PDZRN3: variants seen among roughly 807,000 people sequenced by gnomAD.
The protein encoded by PDZRN3 is PDZ domain containing ring finger 3.
PDZRN3 carries 38 observed loss-of-function variants against 85.7 expected under a neutral mutation model. That is an observed-to-expected ratio of 0.44 (90% CI 0.34 to 0.58). The LOEUF (loss-of-function observed/expected upper bound fraction) is 0.58. Among genes scored for constraint, PDZRN3 ranks in the 20% least tolerant of loss-of-function variants. PDZRN3 has a pLI of 0.01. For synonymous variants in PDZRN3, 759 were observed against 638.0 expected (o/e 1.19, Z -2.86); for missense variants, 1,629 against 1,506.4 (o/e 1.08, Z -1.35).
intron 3 of PDZRN3, among the ~76,000 whole-genome samples, chr3:73,577,866 C>A (rs1702147490): frequency 6.6e-6 from 1 of 152,344 alleles, no homozygotes; most frequent in Admixed American, 6.5e-5. Flanking sequence ...CCAGATCTAG[C>A]CCAAAGCCTC....
At chr3:73,443,479 C>CTTTTTTTTTT (rs768320565) in intron 3 of PDZRN3, among the ~76,000 whole-genome samples, 13 of 48,144 alleles carry the variant, frequency 2.7e-4, no homozygotes, top group African/African-American at 5.7e-4. Context: ...TTTCCTTTTT[C>CTTTTTTTTTT]TTTTTTTTTT....
At chr3:73,440,646 G>A (rs1292314421) in intron 3 of PDZRN3, among the ~76,000 whole-genome samples, 1 of 152,190 alleles carries the variant, frequency 6.6e-6, no homozygotes, top group Non-Finnish European at 1.5e-5. Context: ...TCCCGAGCAA[G>A]TCATCTTTGT....
In PDZRN3 at chr3:73,595,845, A is replaced by T. The variant is rs182482998; in HGVS notation, c.918+6509T>A. 2.0e-5 allele frequency among the ~76,000 whole-genome samples: 3 copies of T among 152,312 alleles called. No individual in the cohort carries two copies. In the East Asian group the frequency reaches 5.8e-4, roughly 29 times the overall value. On this transcript the variant is annotated intron_variant, in intron 3 of 9. Transcript: ENST00000263666. ...TGGATGAATGCAGAAAGACAGATGT[A>T]TATGTTATTATCGTGGTACATGTGT...
intron 3 of PDZRN3, among the ~76,000 whole-genome samples, chr3:73,417,843 G>A (rs958370607): frequency 6.6e-6 from 1 of 152,124 alleles, no homozygotes; most frequent in Non-Finnish European, 1.5e-5. Context: ...TATCTCCATT[G>A]AAATGTGCAA....
intron 3 of PDZRN3, among the ~76,000 whole-genome samples, chr3:73,415,716 G>A (rs1401687136): frequency 6.6e-6 from 1 of 152,068 alleles, no homozygotes; most frequent in African/African-American, 2.4e-5. Flanking sequence ...ACATATTTAA[G>A]GGAGGCTAGG....
At chr3:73,595,708 C>T (rs1183787408) in intron 3 of PDZRN3, among the ~76,000 whole-genome samples, 6 of 152,044 alleles carry the variant, frequency 3.9e-5, no homozygotes, top group East Asian at 1.9e-4. Flanking sequence ...GAAAAAAGCA[C>T]GTGGATCAGT....
At chr3:73,559,275 A>T (rs561630414) in intron 3 of PDZRN3, among the ~76,000 whole-genome samples, 6 of 152,210 alleles carry the variant, frequency 3.9e-5, no homozygotes, top group Non-Finnish European at 7.3e-5. Context: ...TTTTAAACAC[A>T]GTTTCACAGT....
chr3:73,566,367 T>A (rs1247061021), intron 3 of PDZRN3, among the ~76,000 whole-genome samples: 4 of 152,196 alleles, frequency 2.6e-5, no homozygotes, highest in Non-Finnish European at 5.9e-5. Flanking sequence ...ATTCAACTCA[T>A]AAGAGAAAAT....
Position 73,444,064 on chromosome 3 carries a change from T to C in PDZRN3, c.919-39669A>G, listed in dbSNP as rs551857123. Among the ~76,000 whole-genome samples, 41 of 152,296 alleles carry C rather than the reference T, an allele frequency of 2.7e-4. 1 individual carries two copies. The highest frequency in any genetic ancestry group is 2.2e-3 in the Admixed American group (34 of 15,308). On this transcript the variant is annotated intron_variant, in intron 3 of 9. Transcript: ENST00000263666. ...TTTCCCACATCTGTCTCATCAGCCTTTCCTATCTGTCTCCTGCTATCCTGC... is the reference window on the plus strand; with the variant it reads ...TTTCCCACATCTGTCTCATCAGCCTCTCCTATCTGTCTCCTGCTATCCTGC...
intron 3 of PDZRN3, among the ~76,000 whole-genome samples, chr3:73,600,961 C>T (rs1413312628): frequency 6.6e-6 from 1 of 152,120 alleles, no homozygotes; most frequent in African/African-American, 2.4e-5. Context: ...GTTTAAGAAC[C>T]CTTCAAACAT....
rs112895986 is a variant in PDZRN3 at position 73,532,176 on chromosome 3, A to AT, written c.918+70177dup. ...CCACCACGCCCATCTGATTTTCTGT[A>AT]TTTTTTTTTTAGTAGAGACGGGGTT... On this transcript the variant is annotated intron_variant, in intron 3 of 9. Coordinates refer to ENST00000263666, the MANE Select transcript of PDZRN3 (RefSeq NM_015009.3). 5.7e-3 allele frequency among the ~76,000 whole-genome samples: 840 copies of AT among 147,766 alleles called. 11 individuals are homozygous for AT. The highest frequency in any genetic ancestry group is 0.018 in the African/African-American group (728 of 40,414).
chr3:73,396,764 G>A (rs929440850), intron 5 of PDZRN3, among the ~76,000 whole-genome samples: 1 of 152,050 alleles, frequency 6.6e-6, no homozygotes, highest in Non-Finnish European at 1.5e-5. Flanking sequence ...GAATCGCCTG[G>A]GAAATTAAAA....
chr3:73,426,778 C>T (rs112657104), intron 3 of PDZRN3, among the ~76,000 whole-genome samples: 1,557 of 152,240 alleles, frequency 0.01, 23 homozygotes, highest in South Asian at 0.053. Context: ...GTTTCTGATT[C>T]AGTAGCTCTG....
At chr3:73,478,027 T>C (rs1393418421) in intron 3 of PDZRN3, among the ~76,000 whole-genome samples, 3 of 152,150 alleles carry the variant, frequency 2.0e-5, no homozygotes, top group South Asian at 4.1e-4. Context: ...ACGGGAATTA[T>C]GGGAATTACA....
At chr3:73,457,410 G>A (rs1703007559) in intron 3 of PDZRN3, among the ~76,000 whole-genome samples, 1 of 152,078 alleles carries the variant, frequency 6.6e-6, no homozygotes, top group African/African-American at 2.4e-5. Flanking sequence ...TCAAGGCTCT[G>A]GAGTAGAGAA....
At chr3:73,478,110 T>G (rs1703494518) in intron 3 of PDZRN3, among the ~76,000 whole-genome samples, 3 of 152,082 alleles carry the variant, frequency 2.0e-5, no homozygotes, top group Admixed American at 2.0e-4. Context: ...CAAAGAAGGG[T>G]GAATTTGCAT....
intron 3 of PDZRN3, among the ~76,000 whole-genome samples, chr3:73,460,279 A>T (rs1340083887): frequency 6.6e-6 from 1 of 152,226 alleles, no homozygotes; most frequent in Non-Finnish European, 1.5e-5. Flanking sequence ...GAGTGCGATG[A>T]CAGGGCAAAT....
At chr3:73,429,518 T>C (rs373311240) in intron 3 of PDZRN3, among the ~76,000 whole-genome samples, 7 of 152,148 alleles carry the variant, frequency 4.6e-5, no homozygotes, top group African/African-American at 1.7e-4. Flanking sequence ...GCAAGCAGGA[T>C]TGTGCAAAGT....
intron 3 of PDZRN3, among the ~76,000 whole-genome samples, chr3:73,413,964 A>G (rs1702025945): frequency 6.6e-6 from 1 of 152,194 alleles, no homozygotes; most frequent in African/African-American, 2.4e-5. Flanking sequence ...GTGGATCTTC[A>G]CTAACCTACC....
Sources: gnomAD v4.1 joint callset for allele counts (sites outside exome capture counted in the v4.1 genomes callset) on GRCh38, gnomAD v4.1.1 for gene constraint, MANE v1.5 for transcripts, NCBI Gene and HGNC (gene_info 2026-07-23, HGNC 2026-07-21) for gene names.